Variants in DYNLRB1 observed in about 807,000 individuals in gnomAD.
The protein encoded by DYNLRB1 is ROBL/LC7-like 1.
DYNLRB1 carries 6 observed loss-of-function variants against 13.5 expected under a neutral mutation model. That is an observed-to-expected ratio of 0.44 (90% CI 0.24 to 0.88). DYNLRB1 has a LOEUF of 0.88. Ranked by LOEUF, DYNLRB1 falls within the 40% of genes least tolerant of loss-of-function variation. DYNLRB1 has a pLI of 0.21. For missense variants in DYNLRB1, 93 were observed against 127.2 expected (o/e 0.73, Z 1.29); for synonymous variants, 43 against 45.0 (o/e 0.96, Z 0.18).
intron 3 of DYNLRB1, chr20:34,535,387 G>A (rs1267664257): frequency 1.0e-6 from 1 of 981,106 alleles, no homozygotes; most frequent in Non-Finnish European, 1.2e-6. Flanking sequence ...TCCTTTACGC[G>A]AGGTGCTTGC....
chr20:34,533,515 A>G (rs867473020), intron 2 of DYNLRB1: 4 of 985,382 alleles, frequency 4.1e-6, no homozygotes, highest in Non-Finnish European at 3.6e-6. Context: ...TTTCTCTTCT[A>G]CTTTTTAGTG....
intron 2 of DYNLRB1, 122 bp downstream of exon 2, chr20:34,526,465 T>A: frequency 1.2e-6 from 1 of 853,148 alleles, no homozygotes; most frequent in Non-Finnish European, 1.8e-6. Flanking sequence ...GCCTTTTTAA[T>A]TTTTAACACC....
intron 1 of DYNLRB1, among the ~76,000 whole-genome samples, chr20:34,525,507 A>G (rs894186793): frequency 5.3e-5 from 8 of 152,170 alleles, no homozygotes; most frequent in African/African-American, 1.9e-4. Context: ...TTCGCGGAGG[A>G]GATGATGTCT....
intron 2 of DYNLRB1, among the ~76,000 whole-genome samples, chr20:34,528,564 C>T (rs1451627358): frequency 6.6e-6 from 1 of 152,120 alleles, no homozygotes; most frequent in African/African-American, 2.4e-5. Context: ...TTGCCATCAG[C>T]CCCTTTGATT....
At chr20:34,532,475 G>T (rs1334593488) in intron 2 of DYNLRB1, among the ~76,000 whole-genome samples, 1 of 152,180 alleles carries the variant, frequency 6.6e-6, no homozygotes. Flanking sequence ...TTGCTGGGTG[G>T]CAAGAAACTG....
chr20:34,531,710 A>G (rs1980726112), intron 2 of DYNLRB1, among the ~76,000 whole-genome samples: 1 of 152,212 alleles, frequency 6.6e-6, no homozygotes, highest in Non-Finnish European at 1.5e-5. Flanking sequence ...GACTTGGTCA[A>G]GCCCTTGGGG....
chr20:34,516,689 G>T, intron 1 of DYNLRB1: 1 of 1,497,402 alleles, frequency 6.7e-7, no homozygotes, highest in South Asian at 1.3e-5. Context: ...GACCGGAAGC[G>T]GGAGCCCAGC....
intron 3 of DYNLRB1, among the ~76,000 whole-genome samples, chr20:34,539,583 T>C (rs547954037): frequency 6.6e-6 from 1 of 152,068 alleles, no homozygotes; most frequent in African/African-American, 2.4e-5. Context: ...TGAGGCGATC[T>C]GCAACTTCTG....
At chr20:34,536,822 C>T (rs1371142620) in intron 3 of DYNLRB1, among the ~76,000 whole-genome samples, 1 of 151,978 alleles carries the variant, frequency 6.6e-6, no homozygotes, top group Non-Finnish European at 1.5e-5. Context: ...TTGTGCTCCC[C>T]AGTGGCCCAC....
intron 1 of DYNLRB1, among the ~76,000 whole-genome samples, chr20:34,523,838 G>A (rs1287994631): frequency 1.3e-5 from 2 of 152,192 alleles, no homozygotes; most frequent in Non-Finnish European, 2.9e-5. Context: ...GCATATGGAA[G>A]GTTGCCATGT....
At chr20:34,537,194 G>A (rs904656545) in intron 3 of DYNLRB1, among the ~76,000 whole-genome samples, 1 of 152,162 alleles carries the variant, frequency 6.6e-6, no homozygotes, top group Non-Finnish European at 1.5e-5. Context: ...GGGGGCGCCC[G>A]TGCTCTCAAG....
chr20:34,526,164 C>A, intron 1 of DYNLRB1, 104 bp from the exon 2 acceptor site: 1 of 1,283,270 alleles, frequency 7.8e-7, no homozygotes, highest in Non-Finnish European at 1.1e-6. Flanking sequence ...CTGAGTATTA[C>A]TTGTTTGTTG....
At chr20:34,528,991 A>C (rs928751653) in intron 2 of DYNLRB1, among the ~76,000 whole-genome samples, 2 of 152,064 alleles carry the variant, frequency 1.3e-5, no homozygotes, top group East Asian at 1.9e-4. Flanking sequence ...TTTAAAAAAA[A>C]AAAAACAAAA....
chr20:34,537,189 C>T (rs148973824), intron 3 of DYNLRB1, among the ~76,000 whole-genome samples: 3 of 152,194 alleles, frequency 2.0e-5, no homozygotes, highest in South Asian at 2.1e-4. Context: ...CTGCAGGGGG[C>T]GCCCGTGCTC....
chr20:34,529,141 GGTTT>G (rs1384336393), intron 2 of DYNLRB1, among the ~76,000 whole-genome samples: 1 of 152,172 alleles, frequency 6.6e-6, no homozygotes, highest in Admixed American at 6.5e-5. Flanking sequence ...TGCCAGGCAC[GGTTT>G]GTTTATGTGT....
rs1173777436 is a variant in DYNLRB1 at position 34,540,573 on chromosome 20, T to C, written c.248-8T>C. The C allele has an allele frequency of 1.9e-6, 3 of 1,613,150 alleles. No homozygotes were observed. Among genetic ancestry groups the C allele is most frequent in the Non-Finnish European group, 2.5e-6 (3 of 1,179,554 alleles). On this transcript the variant is annotated splice_region_variant and splice_polypyrimidine_tract_variant and intron_variant, in intron 3 of 3. Coordinates refer to ENST00000357156, the MANE Select transcript of DYNLRB1 (RefSeq NM_014183.4). ...TTAGTGATTTTTTTTCATTTTTCTCTTTTGCAGATAAAGACTATTTCCTGA... is the reference window on the plus strand; with the variant it reads ...TTAGTGATTTTTTTTCATTTTTCTCCTTTGCAGATAAAGACTATTTCCTGA...
chr20:34,519,333 T>G (rs1979523623), intron 1 of DYNLRB1, among the ~76,000 whole-genome samples: 1 of 152,216 alleles, frequency 6.6e-6, no homozygotes, highest in South Asian at 2.1e-4. Context: ...CCAGATGTGT[T>G]TGGTGCATAA....
At chr20:34,537,612 A>T (rs1263539401) in intron 3 of DYNLRB1, among the ~76,000 whole-genome samples, 1 of 152,136 alleles carries the variant, frequency 6.6e-6, no homozygotes, top group Admixed American at 6.5e-5. Context: ...CCAAGAAAAA[A>T]TAATTGGGTT....
At chr20:34,534,595 C>T in intron 2 of DYNLRB1, 33 bp from the exon 3 acceptor site, 1 of 1,525,970 alleles carries the variant, frequency 6.6e-7, no homozygotes, top group South Asian at 1.3e-5. Flanking sequence ...AGGGGCTCCA[C>T]ATCCTCTCAG....
Sources: allele counts gnomAD v4.1 joint callset (sites outside exome capture counted in the v4.1 genomes callset), GRCh38; gene constraint gnomAD v4.1.1; transcripts MANE v1.5; gene names NCBI Gene and HGNC (gene_info 2026-07-23, HGNC 2026-07-21).